The following SPATS2L variants were observed in gnomAD, a reference collection of about 807,000 sequenced individuals.
The protein encoded by SPATS2L is SPATS2-like protein.
A neutral mutation model predicts 59.6 loss-of-function variants in SPATS2L; 30 were observed. The observed-to-expected ratio is 0.50, with a 90% CI of 0.38 to 0.68. The LOEUF (loss-of-function observed/expected upper bound fraction) is 0.68, where lower values mean the gene tolerates loss of function less well. Among genes scored for constraint, SPATS2L ranks in the 30% least tolerant of loss-of-function variants. SPATS2L has a pLI of 0.00. For missense variants in SPATS2L, 615 were observed against 700.0 expected (o/e 0.88, Z 1.37); for synonymous variants, 252 against 263.5 (o/e 0.96, Z 0.42).
intron 4 of SPATS2L, 102 bp downstream of exon 4, chr2:200,412,521 A>C (rs2082912586): frequency 1.8e-6 from 1 of 571,284 alleles, no homozygotes; most frequent in Non-Finnish European, 3.0e-6. Context: ...CATTATGTGT[A>C]CTTTAGGTCT....
chr2:200,306,364 G>A, upstream of SPATS2L: 1 of 1,002,348 alleles, frequency 1.0e-6, no homozygotes, highest in Non-Finnish European at 1.2e-6. Context: ...GGGAGTTTCG[G>A]TGAAGTGGAG....
intron 8 of SPATS2L, among the ~76,000 whole-genome samples, chr2:200,456,986 G>T (rs1199619082): frequency 2.0e-5 from 3 of 152,026 alleles, no homozygotes; most frequent in Admixed American, 6.6e-5. Flanking sequence ...CTCCCACAAA[G>T]AATGTCGTCG....
intron 3 of SPATS2L, among the ~76,000 whole-genome samples, chr2:200,403,651 G>A (rs1043352145): frequency 6.6e-6 from 1 of 152,126 alleles, no homozygotes; most frequent in Non-Finnish European, 1.5e-5. Flanking sequence ...CAGCCCCTAT[G>A]TTTCTGAGCC....
chr2:200,446,024 G>T (rs1055960751), intron 8 of SPATS2L, among the ~76,000 whole-genome samples: 1 of 152,176 alleles, frequency 6.6e-6, no homozygotes, highest in Non-Finnish European at 1.5e-5. Flanking sequence ...CGCCCCCAGA[G>T]ATACTGATTG....
intron 9 of SPATS2L, among the ~76,000 whole-genome samples, chr2:200,462,645 A>G (rs1302433912): frequency 1.3e-5 from 2 of 152,330 alleles, no homozygotes; most frequent in East Asian, 1.9e-4. Context: ...GGCCCTGGCA[A>G]TGGCTCACAC....
chr2:200,331,929 ACT>A (rs1408861321), intron 2 of SPATS2L, among the ~76,000 whole-genome samples: 1 of 151,906 alleles, frequency 6.6e-6, no homozygotes, highest in Non-Finnish European at 1.5e-5. Flanking sequence ...AACACTGGAG[ACT>A]CTGAATTTGG....
At chr2:200,391,601 G>A (rs2082174388) in intron 3 of SPATS2L, among the ~76,000 whole-genome samples, 1 of 152,268 alleles carries the variant, frequency 6.6e-6, no homozygotes, top group South Asian at 2.1e-4. Context: ...TTTTAAGCTG[G>A]AATATGACTT....
At position 200,329,471 on chromosome 2, in the gene SPATS2L, G is replaced by A; in HGVS notation, c.-32G>A. ...AGGCTGCTTTCAGGAACATTGCTGT[G>A]GATTCCCAGGTGAGTAGAGATGGTC... On this transcript the variant is annotated 5_prime_UTR_variant, in exon 2 of 13. Transcript: ENST00000409140. 2.6e-6 allele frequency: 4 copies of A among 1,550,496 alleles called. No homozygotes were observed. Among genetic ancestry groups the A allele is most frequent in the Non-Finnish European group, 3.5e-6 (4 of 1,146,934 alleles).
intron 2 of SPATS2L, among the ~76,000 whole-genome samples, chr2:200,355,228 C>T (rs923804499): frequency 2.0e-5 from 3 of 152,242 alleles, no homozygotes; most frequent in South Asian, 2.1e-4. Context: ...CTGGAAAAAT[C>T]GTGGTTTCTG....
At chr2:200,436,513 T>C (rs756259) in intron 6 of SPATS2L, among the ~76,000 whole-genome samples, 48,162 of 152,012 alleles carry the variant, frequency 0.32, 7,957 homozygotes, top group South Asian at 0.42. Flanking sequence ...TCTACTCACA[T>C]TTCTCAATTG....
chr2:200,342,419 GGTT>G (rs2080362605), intron 2 of SPATS2L, among the ~76,000 whole-genome samples: 1 of 152,258 alleles, frequency 6.6e-6, no homozygotes, highest in Non-Finnish European at 1.5e-5. Context: ...ACAGGAGACT[GGTT>G]GTTCTCTTGC....
intron 2 of SPATS2L, among the ~76,000 whole-genome samples, chr2:200,381,204 A>C (rs2081799291): frequency 6.6e-6 from 1 of 152,200 alleles, no homozygotes; most frequent in Admixed American, 6.5e-5. Context: ...AGTGCCCCTG[A>C]TTGTGCTTAG....
chr2:200,321,613 T>C (rs897027736), intron 1 of SPATS2L, among the ~76,000 whole-genome samples: 1 of 152,238 alleles, frequency 6.6e-6, no homozygotes, highest in Non-Finnish European at 1.5e-5. Flanking sequence ...AATGTTATTC[T>C]ATGGATAAAC....
chr2:200,359,353 TC>T (rs1276486293), intron 2 of SPATS2L, among the ~76,000 whole-genome samples: 12 of 152,202 alleles, frequency 7.9e-5, no homozygotes, highest in Non-Finnish European at 1.3e-4. Context: ...CAGTTTTTTT[TC>T]CATCCAGCTT....
chr2:200,375,715 C>G (rs1228815442), intron 2 of SPATS2L, among the ~76,000 whole-genome samples: 3 of 152,200 alleles, frequency 2.0e-5, no homozygotes, highest in Admixed American at 2.0e-4. Context: ...CAGCCTCCAC[C>G]TCCCGGGCTC....
chr2:200,388,350 C>T (rs570750485), intron 2 of SPATS2L, among the ~76,000 whole-genome samples: 3 of 152,032 alleles, frequency 2.0e-5, no homozygotes, highest in South Asian at 2.1e-4. Flanking sequence ...GTGGTAGGAT[C>T]GCTTGAGCCC....
chr2:200,474,877 A>G (rs76386593), intron 12 of SPATS2L, among the ~76,000 whole-genome samples: 2,554 of 152,168 alleles, frequency 0.017, 87 homozygotes, highest in East Asian at 0.099. Flanking sequence ...TCCCGCAGCC[A>G]TGGCCCTCTC....
chr2:200,459,923 C>G, intron 9 of SPATS2L, 96 bp downstream of exon 9: 2 of 922,406 alleles, frequency 2.2e-6, no homozygotes, highest in East Asian at 5.3e-5. Flanking sequence ...TGAACAGGGT[C>G]CTAAAATTTA....
chr2:200,444,359 G>A (rs1196009748), intron 8 of SPATS2L, among the ~76,000 whole-genome samples: 1 of 152,112 alleles, frequency 6.6e-6, no homozygotes, highest in Non-Finnish European at 1.5e-5. Flanking sequence ...TGATAGTTCC[G>A]CCATATGCTG....
Sources: gnomAD v4.1 joint callset for allele counts (sites outside exome capture counted in the v4.1 genomes callset) on GRCh38, gnomAD v4.1.1 for gene constraint, MANE v1.5 for transcripts, NCBI Gene and HGNC (gene_info 2026-07-23, HGNC 2026-07-21) for gene names.